The following GALNT3 variants were observed in gnomAD, a reference collection of about 807,000 sequenced individuals.
The protein encoded by GALNT3 is GalNAc transferase 3.
GALNT3 carries 51 observed loss-of-function variants against 69.8 expected under a neutral mutation model. That is an observed-to-expected ratio of 0.73 (90% CI 0.58 to 0.92). The LOEUF (loss-of-function observed/expected upper bound fraction) is 0.92, where lower values mean the gene tolerates loss of function less well. GALNT3 is among the 40% of genes least tolerant of loss of function. GALNT3 has a pLI of 0.00. For synonymous variants in GALNT3, 265 were observed against 248.5 expected, an observed-to-expected ratio of 1.07 and a Z score of -0.63; for missense variants, 711 against 760.0, an observed-to-expected ratio of 0.94 and a Z score of 0.76.
intron 1 of GALNT3, among the ~76,000 whole-genome samples, chr2:165,790,691 C>T (rs374969447): frequency 3.3e-5 from 5 of 152,070 alleles, no homozygotes; most frequent in Admixed American, 1.3e-4. Context: ...AAAGTGTCTA[C>T]GGAAGGCTTA....
chr2:165,757,827 G>A (rs1225515279), intron 6 of GALNT3, among the ~76,000 whole-genome samples: 1 of 152,034 alleles, frequency 6.6e-6, no homozygotes, highest in African/African-American at 2.4e-5. Context: ...ATCCTTATTG[G>A]CATTAATGCT....
At chr2:165,776,130 A>G (rs1688842332) in intron 1 of GALNT3, among the ~76,000 whole-genome samples, 1 of 152,180 alleles carries the variant, frequency 6.6e-6, no homozygotes, top group South Asian at 2.1e-4. Context: ...CTGAACAATA[A>G]AAGACATAAG....
At chr2:165,781,845 A>G (rs2105226502) in intron 1 of GALNT3, among the ~76,000 whole-genome samples, 1 of 152,322 alleles carries the variant, frequency 6.6e-6, no homozygotes, top group South Asian at 2.1e-4. Context: ...CCCTGAGGCA[A>G]GACTGTGAAG....
chr2:165,782,750 C>T (rs1683139379), intron 1 of GALNT3, among the ~76,000 whole-genome samples: 1 of 152,098 alleles, frequency 6.6e-6, no homozygotes, highest in Non-Finnish European at 1.5e-5. Context: ...ATTTCCTTTT[C>T]CCCAAAGCAT....
chr2:165,748,446 A>G lies in GALNT3; in HGVS notation c.*335T>C. 1 of 291,160 alleles carries G rather than the reference A, an allele frequency of 3.4e-6. No homozygotes were observed. Among genetic ancestry groups the G allele is most frequent in the Middle Eastern group, 1.0e-3 (1 of 964 alleles). 18.0% of individuals were successfully genotyped at this position (291,160 alleles called of 1,614,324 possible). Reference sequence around the variant, plus strand: ...ACTAGGGGAAATATTTTAAATTGTGAGTGTGTGAATGTAGCTATATATATA... The same window carrying G: ...ACTAGGGGAAATATTTTAAATTGTGGGTGTGTGAATGTAGCTATATATATA... On this transcript the variant is annotated 3_prime_UTR_variant, in exon 11 of 11. Coordinates refer to ENST00000392701, the MANE Select transcript of GALNT3 (RefSeq NM_004482.4).
chr2:165,755,013 C>G lies in GALNT3; in HGVS notation c.1443G>C (p.Gln481His), dbSNP rs1285047269. 3.1e-6 allele frequency: 5 copies of G among 1,612,064 alleles called. No individual in the cohort carries two copies. Among genetic ancestry groups the G allele is most frequent in the Admixed American group, 1.7e-5 (1 of 59,984 alleles). Residue 481 changes from glutamine (Q) to histidine (H), a missense_variant, in exon 8 of 11, where the codon CAG becomes CAC. Transcript: ENST00000392701. ...TCAGATACCATGTAAAATTTTTACA[C>G]TGAAGGCGGTGTTTTATTTCAAATC... ...SKRFEIKHRL[Q>H]CKNFTWYLNN...
At chr2:165,748,974 T>C in intron 10 of GALNT3, 71 bp from the exon 11 acceptor site, 1 of 1,479,910 alleles carries the variant, frequency 6.8e-7, no homozygotes, top group South Asian at 1.2e-5. Context: ...GAAAAAGATT[T>C]TATGGTTTCA....
intron 9 of GALNT3, 117 bp from the exon 10 acceptor site, chr2:165,750,011 T>C (rs768648366): frequency 4.5e-5 from 42 of 939,722 alleles, no homozygotes; most frequent in Non-Finnish European, 6.8e-5. Flanking sequence ...AACAAAATAA[T>C]ACAATAAAAA....
At chr2:165,757,286 T>C (rs1284408924) in intron 6 of GALNT3, 39 bp from the exon 7 acceptor site, 5 of 1,594,638 alleles carry the variant, frequency 3.1e-6, no homozygotes, top group Non-Finnish European at 4.3e-6. Flanking sequence ...TACAGTATTT[T>C]AGAAAAATCA....
intron 1 of GALNT3, among the ~76,000 whole-genome samples, chr2:165,787,901 G>C (rs116114009): frequency 2.9e-3 from 443 of 152,196 alleles, no homozygotes; most frequent in African/African-American, 0.01. Context: ...TCTTGGAACA[G>C]AACCAAAAGG....
chr2:165,773,687 C>A (rs978255389), intron 1 of GALNT3, among the ~76,000 whole-genome samples: 3 of 151,110 alleles, frequency 2.0e-5, no homozygotes, highest in African/African-American at 7.3e-5. Context: ...TTGAGTCAGT[C>A]TTGGGGTAAA....
chr2:165,788,248 CA>C (rs1259071234), intron 1 of GALNT3, among the ~76,000 whole-genome samples: 1 of 142,358 alleles, frequency 7.0e-6, no homozygotes, highest in Non-Finnish European at 1.5e-5. Flanking sequence ...ACCTAGGAGG[CA>C]GAGCTTGCAG....
intron 1 of GALNT3, 103 bp downstream of exon 1, chr2:165,793,912 A>ACCGTAAC (rs112302955): frequency 6.6e-6 from 1 of 151,932 alleles, no homozygotes; most frequent in Non-Finnish European, 1.5e-5. Context: ...GGCCACCTGG[A>ACCGTAAC]CCGTAGCCCT....
intron 2 of GALNT3, among the ~76,000 whole-genome samples, chr2:165,769,437 T>TAATAAA (rs1553493959): frequency 8.5e-6 from 1 of 118,010 alleles, no homozygotes. Context: ...ATAATAATAA[T>TAATAAA]AATAAATAAA....
At chr2:165,751,071 T>G (rs745485069) in intron 9 of GALNT3, among the ~76,000 whole-genome samples, 1 of 152,116 alleles carries the variant, frequency 6.6e-6, no homozygotes, top group Non-Finnish European at 1.5e-5. Context: ...TAGACCTGGC[T>G]TCCCCATAGA....
chr2:165,759,450 G>A lies in GALNT3; in HGVS notation c.959C>T (p.Ser320Phe). Residue 320 changes from serine (S) to phenylalanine (F), a missense_variant, in exon 5 of 11, where the codon TCT becomes TTT. Physicochemically the swap from Ser to Phe is radical, Grantham distance 155. Transcript: ENST00000392701. ...DLNTFEFNKP[S>F]PYGSNHNRGN... is the part of the protein sequence containing the mutation. ...ACGGTTATGGTTACTTCCATAAGGA[G>A]AAGGTTTGTTGAATTCAAACGTGTT... 1.9e-6 allele frequency: 3 copies of A among 1,614,006 alleles called. No homozygotes were observed. Among genetic ancestry groups the A allele is most frequent in the Non-Finnish European group, 2.5e-6 (3 of 1,179,956 alleles).
intron 1 of GALNT3, among the ~76,000 whole-genome samples, chr2:165,788,505 G>GTGTA (rs1488993400): frequency 6.8e-6 from 1 of 147,806 alleles, no homozygotes; most frequent in African/African-American, 2.5e-5. Flanking sequence ...GTGTGTGTGT[G>GTGTA]TATACAGACA....
chr2:165,788,533 T>C (rs1428469058), intron 1 of GALNT3, among the ~76,000 whole-genome samples: 2 of 151,302 alleles, frequency 1.3e-5, no homozygotes, highest in Non-Finnish European at 2.9e-5. Flanking sequence ...AAGCAGACTA[T>C]ATTTATATCG....
At position 165,770,360 on chromosome 2, in the gene GALNT3, G is replaced by A. The variant is rs1413842753; in HGVS notation, c.341C>T (p.Pro114Leu). 2 of 1,614,116 alleles carry A rather than the reference G, an allele frequency of 1.2e-6. No individual in the cohort carries two copies. The highest frequency in any genetic ancestry group is 8.5e-7 in the Non-Finnish European group (1 of 1,180,016). ...ACCAGGTGCATTTGAATCCTGAGGT[G>A]GACGGTCAAGGACAGGCTTCAATTC... ...AAELKPVLDR[P>L]PQDSNAPGAS... Residue 114 changes from proline (P) to leucine (L), a missense_variant, in exon 2 of 11, where the codon CCA becomes CTA. Physicochemically the swap from Pro to Leu is moderately conservative, Grantham distance 98. Transcript: ENST00000392701.
Sources: gnomAD v4.1 joint callset for allele counts (sites outside exome capture counted in the v4.1 genomes callset) on GRCh38, gnomAD v4.1.1 for gene constraint, MANE v1.5 for transcripts, NCBI Gene and HGNC (gene_info 2026-07-23, HGNC 2026-07-21) for gene names.